FNDC3A: variants seen among roughly 807,000 people sequenced by gnomAD.
FNDC3A encodes fibronectin type III domain containing 3A.
A neutral mutation model predicts 148.9 loss-of-function variants in FNDC3A; 32 were observed. That is an observed-to-expected ratio of 0.21 (90% confidence interval 0.16 to 0.29). The LOEUF (loss-of-function observed/expected upper bound fraction) is 0.29. FNDC3A is among the 10% of genes least tolerant of loss of function. The pLI is 1.00. For missense variants in FNDC3A, 1,191 were observed against 1,452.8 expected, an observed-to-expected ratio of 0.82 and a Z score of 2.93; for synonymous variants, 472 against 473.6, an observed-to-expected ratio of 1.00 and a Z score of 0.04.
At chr13:49,184,406 T>C (rs1055650187) in intron 14 of FNDC3A, among the ~76,000 whole-genome samples, 3 of 152,102 alleles carry the variant, frequency 2.0e-5, no homozygotes, top group Admixed American at 6.6e-5. Flanking sequence ...TCAGGAAAGA[T>C]AGGAGAAAGG....
chr13:49,016,388 C>T lies in FNDC3A; in HGVS notation c.99+10099C>T, dbSNP rs1212604564. Among the ~76,000 whole-genome samples, 6 of 152,196 alleles carry T rather than the reference C, an allele frequency of 3.9e-5. No homozygotes were observed. The East Asian group carries it at 5.8e-4, about 15-fold the overall frequency. ...TCTTCTAGATTTTCTAGTTTATTTG[C>T]GTAGAGGTGTTTGTAGTATTCTCTG... On this transcript the variant is annotated intron_variant, in intron 2 of 25. Coordinates refer to ENST00000492622, the MANE Select transcript of FNDC3A (RefSeq NM_001079673.2).
intron 2 of FNDC3A, among the ~76,000 whole-genome samples, chr13:49,066,445 A>G (rs2137755633): frequency 6.6e-6 from 1 of 152,316 alleles, no homozygotes; most frequent in South Asian, 2.1e-4. Flanking sequence ...TTGAAGATAT[A>G]TGTAATAGGC....
At chr13:49,074,632 T>C (rs190717237) in intron 2 of FNDC3A, among the ~76,000 whole-genome samples, 2 of 152,180 alleles carry the variant, frequency 1.3e-5, no homozygotes, top group African/African-American at 4.8e-5. Context: ...TTTAATAATA[T>C]TGAACTTTAA....
intron 2 of FNDC3A, among the ~76,000 whole-genome samples, chr13:49,020,148 A>T (rs948842938): frequency 6.6e-6 from 1 of 152,234 alleles, no homozygotes; most frequent in African/African-American, 2.4e-5. Flanking sequence ...ATGATCAGGC[A>T]TTTGAGGCAT....
At chr13:49,057,520 T>A (rs1876337681) in intron 2 of FNDC3A, among the ~76,000 whole-genome samples, 1 of 152,192 alleles carries the variant, frequency 6.6e-6, no homozygotes, top group African/African-American at 2.4e-5. Context: ...TTTTTACAAA[T>A]TTATGCATTT....
chr13:49,160,486 G>A (rs1485025461), intron 8 of FNDC3A, among the ~76,000 whole-genome samples: 1 of 151,504 alleles, frequency 6.6e-6, no homozygotes. Flanking sequence ...ATTTTTTATT[G>A]CATCTATTTG....
At chr13:49,025,908 C>A (rs1381243288) in intron 2 of FNDC3A, among the ~76,000 whole-genome samples, 1 of 152,150 alleles carries the variant, frequency 6.6e-6, no homozygotes, top group Non-Finnish European at 1.5e-5. Flanking sequence ...CCAAATCCAA[C>A]ACATATATAC....
chr13:49,038,082 G>C (rs962738229), intron 2 of FNDC3A, among the ~76,000 whole-genome samples: 2 of 152,174 alleles, frequency 1.3e-5, no homozygotes, highest in Non-Finnish European at 2.9e-5. Context: ...TGGCCATCCA[G>C]CGGCCGATCT....
intron 2 of FNDC3A, among the ~76,000 whole-genome samples, chr13:49,011,245 T>C (rs1952337469): frequency 6.6e-6 from 1 of 152,132 alleles, no homozygotes; most frequent in East Asian, 1.9e-4. Flanking sequence ...TCTTTCTTTT[T>C]TTTTTTGAGA....
chr13:49,069,927 A>T (rs1877534654), intron 2 of FNDC3A, among the ~76,000 whole-genome samples: 1 of 152,226 alleles, frequency 6.6e-6, no homozygotes, highest in Non-Finnish European at 1.5e-5. Flanking sequence ...AAATTTAGCA[A>T]ATTGTATTGG....
At chr13:48,996,860 G>A (rs192228553) in intron 1 of FNDC3A, among the ~76,000 whole-genome samples, 8 of 151,998 alleles carry the variant, frequency 5.3e-5, no homozygotes, top group African/African-American at 1.9e-4. Context: ...TCAGCAGTTC[G>A]AGACCAGCCT....
chr13:49,112,973 T>C (rs1880671271), intron 3 of FNDC3A, among the ~76,000 whole-genome samples: 1 of 152,166 alleles, frequency 6.6e-6, no homozygotes, highest in Admixed American at 6.5e-5. Flanking sequence ...TTTAGTGTTC[T>C]ACACAAACAC....
intron 3 of FNDC3A, among the ~76,000 whole-genome samples, chr13:49,108,378 C>T (rs547192140): frequency 1.3e-5 from 2 of 152,236 alleles, no homozygotes; most frequent in South Asian, 2.1e-4. Context: ...GAAACAGGAA[C>T]AACAGTGGTG....
chr13:49,039,789 A>C (rs1378498452), intron 2 of FNDC3A, among the ~76,000 whole-genome samples: 1 of 152,180 alleles, frequency 6.6e-6, no homozygotes, highest in East Asian at 1.9e-4. Context: ...ATCTCGGCTC[A>C]CTGCAACCTT....
chr13:49,011,552 T>G (rs565859737), intron 2 of FNDC3A, among the ~76,000 whole-genome samples: 1 of 152,304 alleles, frequency 6.6e-6, no homozygotes, highest in Admixed American at 6.5e-5. Flanking sequence ...TATCTTTTGA[T>G]GGACAGTCTT....
At chr13:49,063,167 A>C (rs1006895809) in intron 2 of FNDC3A, among the ~76,000 whole-genome samples, 8 of 152,222 alleles carry the variant, frequency 5.3e-5, no homozygotes, top group African/African-American at 1.7e-4. Context: ...ATTGCTAAGC[A>C]CTGTGGGAGA....
At chr13:49,087,861 A>G (rs6561495) in intron 3 of FNDC3A, among the ~76,000 whole-genome samples, 149,686 of 152,204 alleles carry the variant, frequency 0.98, 73,633 homozygotes, top group South Asian at 1. Flanking sequence ...ACATTTATGC[A>G]GTCGGTTATT....
intron 1 of FNDC3A, among the ~76,000 whole-genome samples, chr13:48,992,435 A>C (rs531055091): frequency 3.9e-5 from 6 of 152,354 alleles, no homozygotes; most frequent in African/African-American, 7.2e-5. Context: ...AGCACTATCA[A>C]AACTAAATAA....
chr13:49,189,235 A>T (rs1885750172), intron 17 of FNDC3A, among the ~76,000 whole-genome samples: 1 of 150,540 alleles, frequency 6.6e-6, no homozygotes, highest in Admixed American at 6.6e-5. Flanking sequence ...ATTGGGGCTC[A>T]CTGCAACCTC....
Sources: gnomAD v4.1 joint callset for allele counts (sites outside exome capture counted in the v4.1 genomes callset) on GRCh38, gnomAD v4.1.1 for gene constraint, MANE v1.5 for transcripts, NCBI Gene and HGNC (gene_info 2026-07-23, HGNC 2026-07-21) for gene names.